GRXCR1: variants seen among roughly 807,000 people sequenced by gnomAD.
GRXCR1 encodes glutaredoxin domain-containing cysteine-rich protein 1.
Under a neutral mutation model 27.3 loss-of-function variants are expected in GRXCR1, and 27 were observed. That is an observed-to-expected ratio of 0.99 (90% CI 0.73 to 1.37). The LOEUF is 1.37. Ranked by LOEUF, GRXCR1 falls within the 40% of genes most tolerant of loss-of-function variation. GRXCR1 has a pLI of 0.00. For missense variants in GRXCR1, 379 were observed against 354.4 expected (o/e 1.07, Z -0.56); for synonymous variants, 122 against 131.1 (o/e 0.93, Z 0.47).
intron 2 of GRXCR1, among the ~76,000 whole-genome samples, chr4:42,985,011 T>C (rs1180663318): frequency 6.6e-6 from 1 of 152,102 alleles, no homozygotes; most frequent in Non-Finnish European, 1.5e-5. Context: ...TCACTTCCCT[T>C]CCTTAATCCT....
At chr4:42,901,865 A>T (rs1033627992) in intron 1 of GRXCR1, among the ~76,000 whole-genome samples, 6 of 152,150 alleles carry the variant, frequency 3.9e-5, no homozygotes, top group African/African-American at 1.4e-4. Flanking sequence ...TGACCATGTG[A>T]CTTCCTTTGG....
At chr4:43,003,122 G>A (rs190683788) in intron 2 of GRXCR1, among the ~76,000 whole-genome samples, 11 of 152,176 alleles carry the variant, frequency 7.2e-5, no homozygotes, top group Non-Finnish European at 1.3e-4. Flanking sequence ...AGGCCTCCTA[G>A]GCATGCTTCC....
chr4:42,935,162 A>G (rs1747427511), intron 1 of GRXCR1, among the ~76,000 whole-genome samples: 1 of 151,996 alleles, frequency 6.6e-6, no homozygotes, highest in African/African-American at 2.4e-5. Flanking sequence ...AGTGAAAGAC[A>G]TATTTTCTAC....
At chr4:43,002,809 G>A (rs1030755804) in intron 2 of GRXCR1, among the ~76,000 whole-genome samples, 5 of 152,182 alleles carry the variant, frequency 3.3e-5, no homozygotes, top group African/African-American at 1.2e-4. Flanking sequence ...AGGAGGTATT[G>A]AAACTTATGA....
chr4:43,010,270 G>T (rs1417384387), intron 2 of GRXCR1, among the ~76,000 whole-genome samples: 1 of 152,062 alleles, frequency 6.6e-6, no homozygotes, highest in Non-Finnish European at 1.5e-5. Flanking sequence ...AGATGTGGTG[G>T]TGAGTGCCTG....
intron 2 of GRXCR1, among the ~76,000 whole-genome samples, chr4:43,011,601 C>T (rs1239891919): frequency 1.3e-5 from 2 of 152,072 alleles, no homozygotes; most frequent in East Asian, 1.9e-4. Context: ...TGGGGCTCTT[C>T]GTTAAACAAT....
At chr4:42,965,082 C>G (rs1431698799) in intron 2 of GRXCR1, among the ~76,000 whole-genome samples, 1 of 152,066 alleles carries the variant, frequency 6.6e-6, no homozygotes, top group African/African-American at 2.4e-5. Context: ...CTTATCTTCT[C>G]ACTACTTCTG....
intron 1 of GRXCR1, among the ~76,000 whole-genome samples, chr4:42,921,714 C>T (rs1747015343): frequency 6.6e-6 from 1 of 152,034 alleles, no homozygotes; most frequent in African/African-American, 2.4e-5. Flanking sequence ...ATCTTGTCAA[C>T]ATCTTAAATT....
chr4:42,903,459 C>A (rs560275113), intron 1 of GRXCR1, among the ~76,000 whole-genome samples: 2 of 145,772 alleles, frequency 1.4e-5, no homozygotes, highest in Non-Finnish European at 3.0e-5. Context: ...CTACAGGCAC[C>A]CACCACCACG....
At chr4:42,912,343 TAATC>T (rs1207861892) in intron 1 of GRXCR1, among the ~76,000 whole-genome samples, 4 of 152,164 alleles carry the variant, frequency 2.6e-5, no homozygotes, top group African/African-American at 7.2e-5. Context: ...GACCTGAAGA[TAATC>T]AGGTGGAATT....
chr4:42,893,358 A>G lies in GRXCR1; in HGVS notation c.92A>G (p.Glu31Gly). The G allele has an allele frequency of 6.2e-7, 1 of 1,613,752 alleles. No homozygotes were observed. Among genetic ancestry groups the G allele is most frequent in the Non-Finnish European group, 8.5e-7 (1 of 1,179,808 alleles). Residue 31 changes from glutamate to glycine, a missense_variant, in exon 1 of 4, where the codon GAA becomes GGA. Physicochemically the swap from Glu to Gly is moderately conservative, Grantham distance 98 (BLOSUM62 -2). Transcript: ENST00000399770. ...TCTCACAGTGGGCGAGTTCTGAAGGAAGTGTATGAAGATGGGCAACCGTCA... is the reference window on the plus strand; with the variant it reads ...TCTCACAGTGGGCGAGTTCTGAAGGGAGTGTATGAAGATGGGCAACCGTCA... Reference protein sequence around the residue: ...ASSHSGRVLKEVYEDGQPSGS... With the variant: ...ASSHSGRVLKGVYEDGQPSGS...
At chr4:42,947,904 A>G (rs767320944) in intron 1 of GRXCR1, among the ~76,000 whole-genome samples, 2 of 152,234 alleles carry the variant, frequency 1.3e-5, no homozygotes. Flanking sequence ...GATGACTTTT[A>G]TAGTTTTAAC....
chr4:42,961,038 C>T (rs760407605), intron 1 of GRXCR1, among the ~76,000 whole-genome samples: 4 of 151,756 alleles, frequency 2.6e-5, no homozygotes, highest in African/African-American at 4.8e-5. Context: ...GTGTGTTGTT[C>T]TCTTCCCTGT....
At chr4:43,025,142 T>G (rs538891240) in intron 3 of GRXCR1, among the ~76,000 whole-genome samples, 9 of 152,210 alleles carry the variant, frequency 5.9e-5, no homozygotes, top group Non-Finnish European at 8.8e-5. Context: ...TTTCCTTTGC[T>G]ACAAAGGAAG....
chr4:42,987,267 T>TATA (rs1711797890), intron 2 of GRXCR1, among the ~76,000 whole-genome samples: 1 of 81,096 alleles, frequency 1.2e-5, no homozygotes, highest in Non-Finnish European at 2.5e-5. Flanking sequence ...ATATAATATA[T>TATA]ATATATATAT....
At chr4:42,909,936 G>A (rs1476128612) in intron 1 of GRXCR1, among the ~76,000 whole-genome samples, 1 of 152,156 alleles carries the variant, frequency 6.6e-6, no homozygotes, top group Non-Finnish European at 1.5e-5. Flanking sequence ...CAATACAGAT[G>A]TGTATTAGTC....
chr4:42,940,653 C>A (rs1747596944), intron 1 of GRXCR1, among the ~76,000 whole-genome samples: 1 of 151,978 alleles, frequency 6.6e-6, no homozygotes, highest in African/African-American at 2.4e-5. Flanking sequence ...TTCTAGAAAA[C>A]TTTTCTGATT....
intron 2 of GRXCR1, among the ~76,000 whole-genome samples, chr4:42,979,978 C>A (rs1335324248): frequency 6.6e-6 from 1 of 151,808 alleles, no homozygotes; most frequent in African/African-American, 2.4e-5. Context: ...TCTCTTATGA[C>A]CATTTGTATT....
chr4:42,959,755 A>T (rs1465181382), intron 1 of GRXCR1, among the ~76,000 whole-genome samples: 2 of 152,050 alleles, frequency 1.3e-5, no homozygotes, highest in Non-Finnish European at 2.9e-5. Flanking sequence ...GTGATTCTGC[A>T]TGTCCAATCT....
Sources: allele counts gnomAD v4.1 joint callset (sites outside exome capture counted in the v4.1 genomes callset), GRCh38; gene constraint gnomAD v4.1.1; transcripts MANE v1.5; gene names NCBI Gene and HGNC (gene_info 2026-07-23, HGNC 2026-07-21).